Variants in LRMDA observed in about 807,000 individuals in gnomAD.
The protein encoded by LRMDA is leucine-rich melanocyte differentiation-associated protein.
LRMDA carries 18 observed loss-of-function variants against 29.8 expected under a neutral mutation model. The ratio of observed to expected loss-of-function variants is 0.60; its 90% CI spans 0.42 to 0.90. The LOEUF (loss-of-function observed/expected upper bound fraction) is 0.90. Among genes scored for constraint, LRMDA ranks in the 40% least tolerant of loss-of-function variants. The pLI is 0.00. For synonymous variants in LRMDA, 125 were observed against 109.4 expected (o/e 1.14, Z -0.89); for missense variants, 273 against 273.9 (o/e 1.00, Z 0.02).
At chr10:75,898,923 T>C (rs761743116) in intron 2 of LRMDA, among the ~76,000 whole-genome samples, 5 of 152,212 alleles carry the variant, frequency 3.3e-5, no homozygotes, top group Non-Finnish European at 5.9e-5. Flanking sequence ...TGACCAGATT[T>C]GGAAATACCC....
At position 75,445,735 on chromosome 10, in the gene LRMDA, A is replaced by G. The variant is rs912855399; in HGVS notation, c.131+7241A>G. ...GTGGGCTGCCTGCTTAGCTTGTTGA[A>G]CACAGCAGGCAGAGCAGAGCTCCCA... On this transcript the variant is annotated intron_variant, in intron 2 of 6. Transcript: ENST00000611255. Among the ~76,000 whole-genome samples, 68 of 152,328 alleles carry G rather than the reference A, an allele frequency of 4.5e-4. No homozygotes were observed. The Middle Eastern group carries it at 0.01, about 23-fold the overall frequency.
At chr10:76,229,379 G>A (rs939022895) in intron 5 of LRMDA, among the ~76,000 whole-genome samples, 1 of 152,192 alleles carries the variant, frequency 6.6e-6, no homozygotes, top group African/African-American at 2.4e-5. Context: ...AGTAAATGAT[G>A]TTTAGGAGAG....
chr10:75,990,393 A>G (rs1339510032), intron 2 of LRMDA, among the ~76,000 whole-genome samples: 1 of 152,194 alleles, frequency 6.6e-6, no homozygotes, highest in Non-Finnish European at 1.5e-5. Context: ...TTTGTCTTTG[A>G]AATCTCCTTG....
intron 2 of LRMDA, among the ~76,000 whole-genome samples, chr10:75,559,981 T>C (rs975507384): frequency 3.3e-5 from 5 of 149,500 alleles, no homozygotes; most frequent in African/African-American, 4.9e-5. Flanking sequence ...CCTCCAGCTT[T>C]GTTCTTTTGG....
intron 5 of LRMDA, among the ~76,000 whole-genome samples, chr10:76,104,427 T>C (rs1162978018): frequency 2.6e-5 from 4 of 152,078 alleles, no homozygotes; most frequent in African/African-American, 9.7e-5. Context: ...TCCCCTCCCA[T>C]TGCCACCTGC....
At chr10:76,361,202 A>T (rs1460435563) in intron 6 of LRMDA, among the ~76,000 whole-genome samples, 3 of 151,964 alleles carry the variant, frequency 2.0e-5, no homozygotes, top group Non-Finnish European at 1.5e-5. Context: ...CGGTGGTTGC[A>T]GTGAGTCGAG....
At chr10:75,849,278 A>G (rs1180174358) in intron 2 of LRMDA, among the ~76,000 whole-genome samples, 2 of 150,872 alleles carry the variant, frequency 1.3e-5, no homozygotes, top group South Asian at 2.1e-4. Context: ...AGCAGTTCCT[A>G]TTTTCTCGGT....
intron 2 of LRMDA, among the ~76,000 whole-genome samples, chr10:75,680,059 C>T (rs1004837361): frequency 6.6e-6 from 1 of 152,276 alleles, no homozygotes; most frequent in Non-Finnish European, 1.5e-5. Context: ...TGAAGTTCCT[C>T]TTATTTGGGG....
intron 2 of LRMDA, among the ~76,000 whole-genome samples, chr10:75,530,269 G>GAA (rs113474130): frequency 5.5e-5 from 8 of 144,526 alleles, no homozygotes; most frequent in African/African-American, 2.0e-4. Flanking sequence ...TTTAGAATTT[G>GAA]AAAAAAAAAA....
intron 5 of LRMDA, among the ~76,000 whole-genome samples, chr10:76,143,446 T>A (rs1278054999): frequency 1.3e-5 from 2 of 152,348 alleles, no homozygotes; most frequent in African/African-American, 4.8e-5. Flanking sequence ...TGGCCAGTGA[T>A]GATGAGCATT....
chr10:76,163,685 A>G lies in LRMDA; in HGVS notation c.516+104902A>G, dbSNP rs1294064337. Among the ~76,000 whole-genome samples the G allele has an allele frequency of 2.0e-5, 3 of 152,168 alleles. No homozygotes were observed. In the East Asian group the frequency reaches 5.8e-4, roughly 29 times the overall value. On this transcript the variant is annotated intron_variant, in intron 5 of 6. Transcript: ENST00000611255. ...ATGCATTTTAATTAACTTTACTGCT[A>G]ATAGCTTTGGAGATCACAAAAATGT... is the stretch of plus-strand genomic sequence containing the variant.
intron 5 of LRMDA, among the ~76,000 whole-genome samples, chr10:76,265,447 G>C (rs1839994307): frequency 6.6e-6 from 1 of 152,182 alleles, no homozygotes; most frequent in Non-Finnish European, 1.5e-5. Flanking sequence ...CTCACACTCA[G>C]CGCAGCCGAA....
At chr10:76,029,342 G>GCAGTATATAAATAAAT (rs1848112464) in intron 2 of LRMDA, among the ~76,000 whole-genome samples, 1 of 152,132 alleles carries the variant, frequency 6.6e-6, no homozygotes, top group East Asian at 1.9e-4. Context: ...GAAATACCAA[G>GCAGTATATAAATAAAT]GCTATGAAAA....
chr10:75,949,532 G>A (rs1220516842), intron 2 of LRMDA, among the ~76,000 whole-genome samples: 1 of 152,160 alleles, frequency 6.6e-6, no homozygotes, highest in Non-Finnish European at 1.5e-5. Flanking sequence ...TTGGGGGAAG[G>A]CCATGGGGTA....
intron 5 of LRMDA, among the ~76,000 whole-genome samples, chr10:76,279,710 T>C (rs934951453): frequency 1.4e-4 from 22 of 152,100 alleles, no homozygotes; most frequent in Admixed American, 1.3e-3. Context: ...CATACCCAGC[T>C]AATTTTTTGT....
At chr10:75,637,767 G>A (rs1014137019) in intron 2 of LRMDA, among the ~76,000 whole-genome samples, 2 of 152,174 alleles carry the variant, frequency 1.3e-5, no homozygotes, top group Non-Finnish European at 2.9e-5. Flanking sequence ...GGTCTCAGCT[G>A]TCTTCCTAAT....
intron 6 of LRMDA, among the ~76,000 whole-genome samples, chr10:76,539,553 C>A (rs564426917): frequency 6.6e-6 from 1 of 152,190 alleles, no homozygotes; most frequent in Non-Finnish European, 1.5e-5. Flanking sequence ...TGAAATCAAG[C>A]AGGCACCCCT....
chr10:75,836,200 C>T (rs1460910567), intron 2 of LRMDA, among the ~76,000 whole-genome samples: 1 of 152,090 alleles, frequency 6.6e-6, no homozygotes, highest in Non-Finnish European at 1.5e-5. Flanking sequence ...GAAAGCAGGT[C>T]CTTTGGAGAA....
At chr10:75,889,167 G>A (rs1018776068) in intron 2 of LRMDA, among the ~76,000 whole-genome samples, 1 of 152,186 alleles carries the variant, frequency 6.6e-6, no homozygotes, top group African/African-American at 2.4e-5. Flanking sequence ...GACAAAATCA[G>A]CCTGTGTGCG....
Sources: allele counts gnomAD v4.1 joint callset (sites outside exome capture counted in the v4.1 genomes callset), GRCh38; gene constraint gnomAD v4.1.1; transcripts MANE v1.5; gene names NCBI Gene and HGNC (gene_info 2026-07-23, HGNC 2026-07-21).